Variants in GATAD2A observed in about 807,000 individuals in gnomAD.
GATAD2A encodes the protein transcriptional repressor p66-alpha.
GATAD2A carries 12 observed loss-of-function variants against 68.5 expected under a neutral mutation model. That is an observed-to-expected ratio of 0.18 (90% CI 0.11 to 0.28). The LOEUF (loss-of-function observed/expected upper bound fraction) is 0.28, where lower values mean the gene tolerates loss of function less well. GATAD2A is among the 10% of genes least tolerant of loss of function. GATAD2A has a pLI of 1.00. For synonymous variants in GATAD2A, 410 were observed against 375.3 expected, an observed-to-expected ratio of 1.09 and a Z score of -1.07; for missense variants, 755 against 868.5, an observed-to-expected ratio of 0.87 and a Z score of 1.64.
chr19:19,466,923 C>T (rs891036434), intron 2 of GATAD2A, among the ~76,000 whole-genome samples: 2 of 152,160 alleles, frequency 1.3e-5, no homozygotes, highest in Non-Finnish European at 2.9e-5. Flanking sequence ...GGAGTCAGGG[C>T]AGGAAGAGGA....
intron 1 of GATAD2A, among the ~76,000 whole-genome samples, chr19:19,429,071 C>T (rs1296535441): frequency 1.3e-5 from 2 of 150,178 alleles, no homozygotes; most frequent in African/African-American, 2.5e-5. Flanking sequence ...TGGTTGGGTC[C>T]TGACAACTCG....
At chr19:19,421,818 T>C (rs1477126926) in intron 1 of GATAD2A, among the ~76,000 whole-genome samples, 1 of 151,962 alleles carries the variant, frequency 6.6e-6, no homozygotes, top group Non-Finnish European at 1.5e-5. Context: ...CTCTCTCTTT[T>C]TTTTTTTTCT....
chr19:19,487,167 G>A (rs1017407887), intron 2 of GATAD2A, among the ~76,000 whole-genome samples: 2 of 152,222 alleles, frequency 1.3e-5, no homozygotes, highest in Non-Finnish European at 2.9e-5. Flanking sequence ...ATGGGGGCTT[G>A]CCCCCTTCTC....
Position 19,507,400 on chromosome 19 carries a change from A to G in GATAD2A, c.*1926A>G, listed in dbSNP as rs1452441416. 1.3e-5 allele frequency: 2 copies of G among 152,178 alleles called. No individual in the cohort carries two copies. The highest frequency in any genetic ancestry group is 2.9e-5 in the Non-Finnish European group (2 of 68,060). The allele number at this position is 152,178 out of a possible 1,614,324, so 9.4% of individuals were successfully genotyped here. On this transcript the variant is annotated 3_prime_UTR_variant, in exon 12 of 12. Transcript: ENST00000683918. ...GGGGCCAGATCTTCCAGCTCCTCCCAGAAGGAGCACCCAGGCTGGCTTCTT... is the reference window on the plus strand; with the variant it reads ...GGGGCCAGATCTTCCAGCTCCTCCCGGAAGGAGCACCCAGGCTGGCTTCTT...
intron 1 of GATAD2A, among the ~76,000 whole-genome samples, chr19:19,395,674 C>T (rs193226932): frequency 2.2e-4 from 33 of 152,222 alleles, no homozygotes; most frequent in South Asian, 2.1e-3. Context: ...CCAAGAGCTG[C>T]CTGGAGGTGT....
chr19:19,411,356 T>G (rs572614702), intron 1 of GATAD2A, among the ~76,000 whole-genome samples: 3 of 152,218 alleles, frequency 2.0e-5, no homozygotes, highest in Non-Finnish European at 4.4e-5. Flanking sequence ...CCAGGGCTTG[T>G]GGAAGCCAGC....
At chr19:19,408,089 T>A (rs1259884243) in intron 1 of GATAD2A, among the ~76,000 whole-genome samples, 1 of 152,218 alleles carries the variant, frequency 6.6e-6, no homozygotes, top group East Asian at 1.9e-4. Context: ...AACTTCCGCC[T>A]CTCAGGTTCA....
At chr19:19,411,967 G>A (rs879846960) in intron 1 of GATAD2A, among the ~76,000 whole-genome samples, 1 of 152,134 alleles carries the variant, frequency 6.6e-6, no homozygotes, top group Non-Finnish European at 1.5e-5. Flanking sequence ...GGCCGGGCGC[G>A]GCAGCTCACG....
intron 1 of GATAD2A, among the ~76,000 whole-genome samples, chr19:19,443,519 T>C (rs1437693702): frequency 1.3e-5 from 2 of 152,168 alleles, no homozygotes; most frequent in East Asian, 1.9e-4. Flanking sequence ...GCTTGTTCTG[T>C]AGAGATAAAT....
chr19:19,399,844 G>A (rs951413908), intron 1 of GATAD2A, among the ~76,000 whole-genome samples: 1 of 152,150 alleles, frequency 6.6e-6, no homozygotes, highest in African/African-American at 2.4e-5. Flanking sequence ...CAAATGGGGA[G>A]TAGGGTGTGA....
chr19:19,420,663 G>T (rs976688525), intron 1 of GATAD2A, among the ~76,000 whole-genome samples: 2 of 151,882 alleles, frequency 1.3e-5, no homozygotes, highest in East Asian at 1.9e-4. Context: ...TTTTAACCTC[G>T]GTTTTCTCTT....
At chr19:19,395,286 C>A (rs1047457985) in intron 1 of GATAD2A, among the ~76,000 whole-genome samples, 1 of 152,274 alleles carries the variant, frequency 6.6e-6, no homozygotes, top group South Asian at 2.1e-4. Context: ...GAAACCCCGT[C>A]CCTACTAAAA....
At chr19:19,471,838 C>A (rs2058335830) in intron 2 of GATAD2A, among the ~76,000 whole-genome samples, 1 of 151,784 alleles carries the variant, frequency 6.6e-6, no homozygotes, top group South Asian at 2.1e-4. Flanking sequence ...CATGTGCTGC[C>A]CCTATGCCGA....
intron 2 of GATAD2A, among the ~76,000 whole-genome samples, chr19:19,491,370 G>A (rs902617357): frequency 3.3e-5 from 5 of 152,186 alleles, no homozygotes; most frequent in Non-Finnish European, 5.9e-5. Context: ...GGAGGAACAG[G>A]CCTTAGGTCA....
intron 1 of GATAD2A, among the ~76,000 whole-genome samples, chr19:19,414,067 G>T (rs116836132): frequency 6.6e-6 from 1 of 152,094 alleles, no homozygotes; most frequent in African/African-American, 2.4e-5. Flanking sequence ...GTCTGGGGAG[G>T]GGGTGGGAGC....
At chr19:19,437,905 G>A (rs2054552858) in intron 1 of GATAD2A, among the ~76,000 whole-genome samples, 1 of 152,152 alleles carries the variant, frequency 6.6e-6, no homozygotes, top group African/African-American at 2.4e-5. Context: ...GCTTTTGTTT[G>A]AATGCCTGTG....
At chr19:19,398,315 T>C (rs947256165) in intron 1 of GATAD2A, among the ~76,000 whole-genome samples, 2 of 152,184 alleles carry the variant, frequency 1.3e-5, no homozygotes, top group South Asian at 2.1e-4. Context: ...GCAATTCTCC[T>C]GCCTCAGCCT....
chr19:19,429,143 C>A (rs1282053737), intron 1 of GATAD2A: 1 of 973,016 alleles, frequency 1.0e-6, no homozygotes, highest in Non-Finnish European at 1.2e-6. Flanking sequence ...TGAGGTGATG[C>A]GCAAGCGCCT....
intron 2 of GATAD2A, among the ~76,000 whole-genome samples, chr19:19,467,846 A>T (rs1035725826): frequency 6.6e-6 from 1 of 152,170 alleles, no homozygotes; most frequent in Non-Finnish European, 1.5e-5. Flanking sequence ...ATGTTGGATG[A>T]TTTGGAGCAT....
Sources: allele counts gnomAD v4.1 joint callset (sites outside exome capture counted in the v4.1 genomes callset), GRCh38; gene constraint gnomAD v4.1.1; transcripts MANE v1.5; gene names NCBI Gene and HGNC (gene_info 2026-07-23, HGNC 2026-07-21).